Variants in ENOX1 observed in about 807,000 individuals in gnomAD.
ENOX1 encodes ecto-NOX disulfide-thiol exchanger 1.
ENOX1 carries 42 observed loss-of-function variants against 82.5 expected under a neutral mutation model. That is an observed-to-expected ratio of 0.51 (90% CI 0.40 to 0.66). The LOEUF is 0.66. ENOX1 is among the 30% of genes least tolerant of loss of function. The pLI is 0.00. For missense variants in ENOX1, 608 were observed against 811.6 expected (o/e 0.75, Z 3.05); for synonymous variants, 271 against 282.2 (o/e 0.96, Z 0.40).
intron 1 of ENOX1, among the ~76,000 whole-genome samples, chr13:43,784,255 A>C (rs998702257): frequency 6.6e-6 from 1 of 152,222 alleles, no homozygotes. Context: ...ACATTCTCCT[A>C]CATACAAACC....
chr13:43,308,424 CACCTAATAGGTGGGA>C (rs2046992824), intron 11 of ENOX1, among the ~76,000 whole-genome samples: 1 of 152,160 alleles, frequency 6.6e-6, no homozygotes, highest in South Asian at 2.1e-4. Context: ...CCTTCTTTCC[CACCTAATAGGTGGGA>C]AAAGAGGTAA....
chr13:43,749,055 G>A (rs568167725), intron 1 of ENOX1, among the ~76,000 whole-genome samples: 1 of 152,256 alleles, frequency 6.6e-6, no homozygotes, highest in African/African-American at 2.4e-5. Context: ...GTAACCACAG[G>A]TGAAGCACAT....
intron 1 of ENOX1, among the ~76,000 whole-genome samples, chr13:43,711,837 G>A (rs1316381808): frequency 6.7e-6 from 1 of 150,022 alleles, no homozygotes; most frequent in South Asian, 2.1e-4. Context: ...TGTCAGATGA[G>A]TAGGTTGTGA....
intron 1 of ENOX1, among the ~76,000 whole-genome samples, chr13:43,675,507 C>T (rs980943218): frequency 6.6e-6 from 1 of 152,164 alleles, no homozygotes; most frequent in African/African-American, 2.4e-5. Context: ...CACATATACA[C>T]ACACATATAT....
intron 1 of ENOX1, among the ~76,000 whole-genome samples, chr13:43,741,097 T>C (rs1261256406): frequency 4.6e-5 from 7 of 151,722 alleles, no homozygotes; most frequent in African/African-American, 1.7e-4. Context: ...TTTTTTTTTT[T>C]TTTTTGAGAC....
intron 3 of ENOX1, among the ~76,000 whole-genome samples, chr13:43,439,074 TG>T: frequency 6.8e-6 from 1 of 147,234 alleles, no homozygotes; most frequent in Non-Finnish European, 1.5e-5. Flanking sequence ...CGGAGTTTCA[TG>T]CTTATTGCCC....
intron 9 of ENOX1, 96 bp downstream of exon 9, chr13:43,344,442 T>C: frequency 9.9e-7 from 1 of 1,007,686 alleles, no homozygotes; most frequent in Non-Finnish European, 1.5e-6. Flanking sequence ...AAATGGGAAA[T>C]TATTGAACTA....
chr13:43,274,454 C>T (rs762739483), intron 12 of ENOX1, among the ~76,000 whole-genome samples: 3 of 152,186 alleles, frequency 2.0e-5, no homozygotes, highest in East Asian at 1.9e-4. Flanking sequence ...CCTATAAAAA[C>T]GGAGGTAGTT....
chr13:43,274,063 G>A (rs977372711), intron 12 of ENOX1, among the ~76,000 whole-genome samples: 1 of 152,120 alleles, frequency 6.6e-6, no homozygotes, highest in African/African-American at 2.4e-5. Context: ...CAAAACACCT[G>A]AGGAATGATA....
At chr13:43,773,339 T>G (rs1951746383) in intron 1 of ENOX1, among the ~76,000 whole-genome samples, 1 of 152,148 alleles carries the variant, frequency 6.6e-6, no homozygotes, top group African/African-American at 2.4e-5. Flanking sequence ...GTCATGTGAA[T>G]TTCACCTCAT....
rs116686778 is a variant in ENOX1 at position 43,655,568 on chromosome 13, T to A, written c.-219+11911A>T. On this transcript the variant is annotated intron_variant, in intron 2 of 16. Transcript: ENST00000690772. ...GAGCTATTTTATAACACAGCAACAA[T>A]CATCTACCCGAATGTCATGTTGATC... Among the ~76,000 whole-genome samples the A allele has an allele frequency of 6.2e-3, 951 of 152,270 alleles. 8 individuals are homozygous for A. The highest frequency in any genetic ancestry group is 0.022 in the African/African-American group (919 of 41,556).
At chr13:43,230,366 C>T (rs532271844) in intron 15 of ENOX1, among the ~76,000 whole-genome samples, 1 of 152,134 alleles carries the variant, frequency 6.6e-6, no homozygotes, top group South Asian at 2.1e-4. Flanking sequence ...TGGAGGAATC[C>T]TGCTTTGGAC....
intron 2 of ENOX1, among the ~76,000 whole-genome samples, chr13:43,598,876 G>A (rs1402888573): frequency 4.6e-5 from 7 of 152,148 alleles, no homozygotes; most frequent in Admixed American, 3.9e-4. Flanking sequence ...AGGATCTGCA[G>A]AGGAAACATG....
At chr13:43,672,598 T>A (rs2085320937) in intron 1 of ENOX1, among the ~76,000 whole-genome samples, 1 of 152,184 alleles carries the variant, frequency 6.6e-6, no homozygotes, top group Non-Finnish European at 1.5e-5. Context: ...TATTTTCTCC[T>A]TCTACACCAT....
intron 1 of ENOX1, among the ~76,000 whole-genome samples, chr13:43,733,195 T>A (rs1424742238): frequency 2.6e-5 from 4 of 152,142 alleles, no homozygotes; most frequent in Non-Finnish European, 5.9e-5. Flanking sequence ...ATTTCATAAA[T>A]TCTAAATAAT....
intron 3 of ENOX1, among the ~76,000 whole-genome samples, chr13:43,449,440 T>G (rs1037905307): frequency 1.3e-5 from 2 of 152,212 alleles, no homozygotes; most frequent in Admixed American, 1.3e-4. Context: ...CTGCAGTTTC[T>G]TTTTAAGGTA....
chr13:43,272,024 CCT>C (rs1273618744), intron 12 of ENOX1, among the ~76,000 whole-genome samples: 1 of 151,830 alleles, frequency 6.6e-6, no homozygotes, highest in African/African-American at 2.4e-5. Flanking sequence ...TAGATTTTCC[CCT>C]TTTATTCCCA....
chr13:43,362,186 CACACTT>C (rs2050566763), intron 5 of ENOX1, among the ~76,000 whole-genome samples: 2 of 148,350 alleles, frequency 1.3e-5, no homozygotes, highest in South Asian at 4.4e-4. Flanking sequence ...CACACACACA[CACACTT>C]GAAAATAGAA....
chr13:43,255,889 G>A (rs1160227736), intron 14 of ENOX1, among the ~76,000 whole-genome samples: 5 of 152,058 alleles, frequency 3.3e-5, no homozygotes, highest in Non-Finnish European at 5.9e-5. Flanking sequence ...AGATACCAGT[G>A]ACATTCTTCA....
Sources: gnomAD v4.1 joint callset for allele counts (sites outside exome capture counted in the v4.1 genomes callset) on GRCh38, gnomAD v4.1.1 for gene constraint, MANE v1.5 for transcripts, NCBI Gene and HGNC (gene_info 2026-07-23, HGNC 2026-07-21) for gene names.